Variants in DPY19L1 observed in about 807,000 individuals in gnomAD.
DPY19L1 encodes dpy-19 like C-mannosyltransferase 1, also known as protein C-mannosyl-transferase DPY19L1.
Under a neutral mutation model 96.9 loss-of-function variants are expected in DPY19L1, and 35 were observed. The observed-to-expected ratio is 0.36, with a 90% CI of 0.28 to 0.48. The LOEUF is 0.48. Among genes scored for constraint, DPY19L1 ranks in the 20% least tolerant of loss-of-function variants. The pLI is 0.99. For synonymous variants in DPY19L1, 205 were observed against 252.6 expected (o/e 0.81, Z 1.79); for missense variants, 521 against 777.9 (o/e 0.67, Z 3.93).
chr7:34,987,646 G>A (rs374930892), intron 7 of DPY19L1, among the ~76,000 whole-genome samples: 7 of 152,090 alleles, frequency 4.6e-5, no homozygotes, highest in Non-Finnish European at 7.4e-5. Flanking sequence ...GTAAGGTACC[G>A]GTTAGTAACC....
At chr7:35,026,254 A>G (rs1416600234) in intron 1 of DPY19L1, among the ~76,000 whole-genome samples, 3 of 152,196 alleles carry the variant, frequency 2.0e-5, no homozygotes, top group Non-Finnish European at 4.4e-5. Flanking sequence ...ACCTGGGAGT[A>G]GCTGGAAATG....
intron 7 of DPY19L1, among the ~76,000 whole-genome samples, chr7:34,982,080 A>C (rs1032973416): frequency 1.3e-5 from 2 of 152,226 alleles, no homozygotes; most frequent in Non-Finnish European, 2.9e-5. Flanking sequence ...GCCATGAAAA[A>C]ACAAAGAGAA....
At chr7:34,964,601 G>A (rs1784571923) in intron 10 of DPY19L1, among the ~76,000 whole-genome samples, 1 of 152,092 alleles carries the variant, frequency 6.6e-6, no homozygotes, top group Admixed American at 6.6e-5. Flanking sequence ...ATTCATTATA[G>A]TAACCGATTG....
intron 10 of DPY19L1, among the ~76,000 whole-genome samples, chr7:34,958,410 T>C (rs1177496754): frequency 6.6e-6 from 1 of 152,234 alleles, no homozygotes; most frequent in Admixed American, 6.5e-5. Context: ...TAATACATTC[T>C]GCTTAAGAAC....
intron 11 of DPY19L1, among the ~76,000 whole-genome samples, chr7:34,956,457 T>C (rs1562805490): frequency 6.6e-6 from 1 of 152,030 alleles, no homozygotes; most frequent in Admixed American, 6.5e-5. Context: ...AGGCACAACC[T>C]GAAAAGGGTG....
intron 1 of DPY19L1, among the ~76,000 whole-genome samples, chr7:35,027,491 T>A (rs1282206579): frequency 6.6e-6 from 1 of 151,918 alleles, no homozygotes; most frequent in Non-Finnish European, 1.5e-5. Context: ...ACTCTATTAA[T>A]AGAGATATTG....
chr7:34,931,671 T>C lies in DPY19L1; in HGVS notation c.2149A>G (p.Thr717Ala). The C allele has an allele frequency of 1.9e-6, 3 of 1,594,234 alleles. No homozygotes were observed. The South Asian group carries it at 3.4e-5, about 18-fold the overall frequency. The change falls in exon 22 of 22, where the codon ACT (threonine) becomes GCT (alanine). Residue 717 changes from threonine (T) to alanine (A), a missense_variant. Transcript: ENST00000638088. ...TTCACCAAGAGGTTACATAAGGGAGTTTTCCCAGCATTGGCAGGATCTTCT... is the reference window on the plus strand; with the variant it reads ...TTCACCAAGAGGTTACATAAGGGAGCTTTCCCAGCATTGGCAGGATCTTCT... ...DVEDPANAGK[T>A]PLCNLLVKDS...
At chr7:34,978,635 T>G (rs550339062) in intron 7 of DPY19L1, among the ~76,000 whole-genome samples, 1 of 152,170 alleles carries the variant, frequency 6.6e-6, no homozygotes, top group Non-Finnish European at 1.5e-5. Flanking sequence ...ATCTTGATAA[T>G]AAGTAAGCCT....
chr7:35,019,566 G>A lies in DPY19L1; in HGVS notation c.299-970C>T, dbSNP rs554363848. On this transcript the variant is annotated intron_variant, in intron 1 of 21. Coordinates refer to ENST00000638088, the MANE Select transcript of DPY19L1 (RefSeq NM_001366673.1). ...AAGAAGAAAGAAGGAAGAAGAGGAG[G>A]AGAAGGAAGAGGAAAGAAGGAAGAA... Among the ~76,000 whole-genome samples the A allele has an allele frequency of 5.3e-5, 8 of 151,868 alleles. No individual in the cohort carries two copies. The East Asian group carries it at 1.5e-3, about 29-fold the overall frequency.
chr7:34,937,586 A>T (rs569003789), intron 21 of DPY19L1, among the ~76,000 whole-genome samples: 163 of 152,320 alleles, frequency 1.1e-3, no homozygotes, highest in Middle Eastern at 6.8e-3. Flanking sequence ...CATTATTTAA[A>T]AAAAAAAGAT....
rs150983999 is a variant in DPY19L1 at position 35,015,658 on chromosome 7, A to C, written c.412-1953T>G. On this transcript the variant is annotated intron_variant, in intron 3 of 21. Transcript: ENST00000638088. ...GAATAATCCACCTCTTGTTTATCAT[A>C]TGATGAAGAGATAACCTTAAAAACA... Among the ~76,000 whole-genome samples the C allele has an allele frequency of 8.3e-4, 127 of 152,370 alleles. 1 individual carries two copies. The East Asian group carries it at 0.021, about 26-fold the overall frequency.
chr7:34,953,866 T>C (rs1784318806), intron 13 of DPY19L1, among the ~76,000 whole-genome samples: 1 of 152,140 alleles, frequency 6.6e-6, no homozygotes, highest in Admixed American at 6.6e-5. Context: ...TGAAAGAGAT[T>C]GAGGTTAAAC....
At position 34,941,845 on chromosome 7, in the gene DPY19L1, G is replaced by A; in HGVS notation, c.1609C>T (p.Leu537Phe). ...HALQLLAYTALGILIMRLKLF... is the reference protein window; with the variant it reads ...HALQLLAYTAFGILIMRLKLF... ...TTTAGTCTCATAATTAAAATACCAA[G>A]GGCTGTATATGCTAACAATTGCAAT... is the stretch of plus-strand genomic sequence containing the variant. The change falls in exon 18 of 22, where the codon CTT becomes TTT. Residue 537 changes from leucine (L) to phenylalanine (F), a missense_variant. Transcript: ENST00000638088. 6.3e-7 allele frequency: 1 copy of A among 1,580,408 alleles called. No homozygotes were observed. The highest frequency in any genetic ancestry group is 8.6e-7 in the Non-Finnish European group (1 of 1,164,794).
At chr7:35,014,509 C>G (rs555756754) in intron 3 of DPY19L1, among the ~76,000 whole-genome samples, 112 of 152,234 alleles carry the variant, frequency 7.4e-4, no homozygotes, top group African/African-American at 2.4e-3. Flanking sequence ...CTTCAGTTTT[C>G]CCTGGAGCTG....
intron 6 of DPY19L1, among the ~76,000 whole-genome samples, chr7:35,002,125 C>CAAAAAAA (rs548044939): frequency 4.2e-5 from 2 of 47,090 alleles, no homozygotes; most frequent in African/African-American, 8.2e-5. Context: ...GACTCCAGCT[C>CAAAAAAA]AAAAAAAAAA....
intron 7 of DPY19L1, 42 bp downstream of exon 7, chr7:34,989,842 C>T (rs1485156878): frequency 6.7e-7 from 1 of 1,495,548 alleles, no homozygotes; most frequent in African/African-American, 1.4e-5. Context: ...AAGAAAACTG[C>T]ATTTCCAGAA....
chr7:35,010,098 C>T (rs1463833795), intron 6 of DPY19L1, among the ~76,000 whole-genome samples: 2 of 152,004 alleles, frequency 1.3e-5, no homozygotes, highest in East Asian at 1.9e-4. Context: ...AGTTTGGTGG[C>T]GTGCACCTAT....
intron 10 of DPY19L1, among the ~76,000 whole-genome samples, chr7:34,960,888 A>T (rs1194689461): frequency 4.6e-5 from 7 of 152,174 alleles, no homozygotes; most frequent in Non-Finnish European, 1.5e-5. Flanking sequence ...TCCTAATGTG[A>T]TAAATCATAT....
In DPY19L1 at chr7:34,989,950, G is replaced by A; in HGVS notation, c.765-9C>T. On this transcript the variant is annotated splice_polypyrimidine_tract_variant and intron_variant, in intron 6 of 21. Coordinates refer to ENST00000638088, the MANE Select transcript of DPY19L1 (RefSeq NM_001366673.1). ...CTCCTAATCGGCTGCCACTGGAAAA[G>A]AAGAAAACATAACTCAAATAACAAA... 6.2e-7 allele frequency: 1 copy of A among 1,605,388 alleles called. No homozygotes were observed. The highest frequency in any genetic ancestry group is 8.5e-7 in the Non-Finnish European group (1 of 1,177,100).
Sources: gnomAD v4.1 joint callset for allele counts (sites outside exome capture counted in the v4.1 genomes callset) on GRCh38, gnomAD v4.1.1 for gene constraint, MANE v1.5 for transcripts, NCBI Gene and HGNC (gene_info 2026-07-23, HGNC 2026-07-21) for gene names.